INPP5D: variants seen among roughly 807,000 people sequenced by gnomAD.
INPP5D encodes inositol polyphosphate-5-phosphatase D, also known as phosphatidylinositol 3,4,5-trisphosphate 5-phosphatase 1.
In INPP5D, 33 loss-of-function variants were observed where a neutral mutation model predicts 122.9. That is an observed-to-expected ratio of 0.27 (90% CI 0.20 to 0.36). The LOEUF (loss-of-function observed/expected upper bound fraction) is 0.36. Ranked by LOEUF, INPP5D falls within the 10% of genes least tolerant of loss-of-function variation. The probability of loss-of-function intolerance (pLI) is 1.00; values close to 1 mark genes in which losing one functional copy is unlikely to be tolerated. For synonymous variants in INPP5D, 584 were observed against 576.2 expected (o/e 1.01, Z -0.19); for missense variants, 1,053 against 1,412.7 (o/e 0.75, Z 4.08).
At chr2:233,140,639 T>C (rs1693613858) in intron 6 of INPP5D, 2 of 152,234 alleles carry the variant, frequency 1.3e-5, no homozygotes, top group African/African-American at 4.8e-5. Flanking sequence ...CTCCCATGTA[T>C]TAAAACTGCA....
At chr2:233,114,947 A>C (rs2106247588) in intron 2 of INPP5D, among the ~76,000 whole-genome samples, 1 of 151,782 alleles carries the variant, frequency 6.6e-6, no homozygotes, top group South Asian at 2.1e-4. Flanking sequence ...GGCTCACCAC[A>C]ACCTCTGCCT....
chr2:233,173,881 C>T (rs1056722364), intron 17 of INPP5D, among the ~76,000 whole-genome samples: 5 of 152,168 alleles, frequency 3.3e-5, no homozygotes, highest in Non-Finnish European at 7.4e-5. Flanking sequence ...TGCAGCGAAC[C>T]GAGATGGCGC....
intron 4 of INPP5D, among the ~76,000 whole-genome samples, chr2:233,127,541 A>C (rs1243956678): frequency 6.6e-6 from 1 of 152,248 alleles, no homozygotes; most frequent in Non-Finnish European, 1.5e-5. Flanking sequence ...GTTAATTATC[A>C]CATTTCTAAG....
At chr2:233,175,909 C>T (rs554072932) in intron 17 of INPP5D, among the ~76,000 whole-genome samples, 7 of 152,012 alleles carry the variant, frequency 4.6e-5, no homozygotes, top group Admixed American at 1.3e-4. Context: ...CTCGAACTCC[C>T]GACCTCAGGT....
rs190730343 is a variant in INPP5D, at chr2:233,130,391, G to C, written c.525-117G>C. ...GTTTGCAAACATTCTTCTGAAGGAC[G>C]GTGTCCCCTTGGAGGCTCTGAGGAT... On this transcript the variant is annotated intron_variant, in intron 4 of 26. Transcript: ENST00000445964. 8.4e-3 allele frequency: 9,245 copies of C among 1,097,676 alleles called. 54 individuals are homozygous for C. The highest frequency in any genetic ancestry group is 0.013 in the Middle Eastern group (63 of 4,844). 68.0% of individuals were successfully genotyped at this position (1,097,676 alleles called of 1,614,324 possible).
intron 1 of INPP5D, among the ~76,000 whole-genome samples, chr2:233,065,394 G>A (rs1574697009): frequency 7.7e-6 from 1 of 129,268 alleles, no homozygotes; most frequent in African/African-American, 3.0e-5. Flanking sequence ...TGCAACCTCC[G>A]CCTCCCAGGA....
In INPP5D at chr2:233,204,317, T is replaced by G. The variant is rs1341354917; in HGVS notation, c.3167T>G (p.Leu1056Trp). 6.2e-7 allele frequency: 1 copy of G among 1,611,848 alleles called. No homozygotes were observed. The highest frequency in any genetic ancestry group is 1.3e-5 in the African/African-American group (1 of 74,902). ...CCGCCCTGCCCGGAACCCGGCATCT[T>G]GTCGCCCAGCATCGTGCTCACCAAA... ...EPPPCPEPGI[L>W]SPSIVLTKAQ... is the part of the protein sequence containing the mutation. The change falls in exon 26 of 27, where the codon TTG becomes TGG. Residue 1056 changes from leucine to tryptophan, a missense_variant. Transcript: ENST00000445964.
At chr2:233,086,119 C>CTTTCTTTCTTTCTT (rs1491216543) in intron 2 of INPP5D, among the ~76,000 whole-genome samples, 5 of 93,828 alleles carry the variant, frequency 5.3e-5, no homozygotes, top group African/African-American at 2.0e-4. Context: ...ATAAGATAGC[C>CTTTCTTTCTTTCTT]TCTTTCTTTC....
rs540658492 is a variant in INPP5D, at chr2:233,129,754, G to A, written c.525-754G>A. ...TAGCCTTTGGCCGTGAAATTGCAAA[G>A]TGCATGGGAGCTAAAGCCATTTGTT... On this transcript the variant is annotated intron_variant, in intron 4 of 26. Coordinates refer to ENST00000445964, the MANE Select transcript of INPP5D (RefSeq NM_001017915.3). Among the ~76,000 whole-genome samples, 4 of 152,332 alleles carry A rather than the reference G, an allele frequency of 2.6e-5. No homozygotes were observed. The South Asian group carries it at 8.3e-4, about 32-fold the overall frequency.
chr2:233,105,331 C>A lies in INPP5D; in HGVS notation c.199-16776C>A, dbSNP rs992848758. On this transcript the variant is annotated intron_variant, in intron 2 of 26. Coordinates refer to ENST00000445964, the MANE Select transcript of INPP5D (RefSeq NM_001017915.3). This position sits in a 1 kb window ranked among gnomAD's most constrained non-coding sequence, Gnocchi z 4.0. ...TGTGCTTTGCCAGTGCCGCTCCCTT[C>A]GCCCGCCAGGGTGCTCCCTGTCTCT... is the stretch of plus-strand genomic sequence containing the variant. Among the ~76,000 whole-genome samples the A allele has an allele frequency of 6.6e-6, 1 of 152,230 alleles. No homozygotes were observed. The highest frequency in any genetic ancestry group is 1.5e-5 in the Non-Finnish European group (1 of 68,040).
intron 13 of INPP5D, among the ~76,000 whole-genome samples, chr2:233,167,503 A>G (rs922853335): frequency 1.3e-5 from 2 of 152,226 alleles, no homozygotes; most frequent in African/African-American, 4.8e-5. Context: ...CAGGGATTGA[A>G]ACCAGGCTGT....
chr2:233,135,191 T>A lies in INPP5D; in HGVS notation c.665+4543T>A, dbSNP rs926861859. Among the ~76,000 whole-genome samples the A allele has an allele frequency of 2.6e-4, 12 of 46,036 alleles. No homozygotes were observed. In the East Asian group the frequency reaches 4.4e-3, roughly 17 times the overall value. The allele number at this position is 46,036 out of a possible 152,430, so 30.2% of individuals were successfully genotyped here. A position where few individuals can be genotyped will look rare whatever the true frequency, so the allele number is the denominator to read the frequency against. ...ACAATCAAACAGCAACACTGAAACA[T>A]CTTTTTTTTTTTTTTCTTATAAAGA... On this transcript the variant is annotated intron_variant, in intron 5 of 26. Transcript: ENST00000445964.
intron 2 of INPP5D, among the ~76,000 whole-genome samples, chr2:233,116,434 G>A (rs1692797947): frequency 6.7e-6 from 1 of 150,024 alleles, no homozygotes; most frequent in Non-Finnish European, 1.5e-5. Context: ...GGACTACAGG[G>A]TGCACCACTA....
rs767743839 is a variant in INPP5D at position 233,182,506 on chromosome 2, A to G, written c.2161+7A>G. 9 of 1,613,204 alleles carry G rather than the reference A, an allele frequency of 5.6e-6. No individual in the cohort carries two copies. The South Asian group carries it at 8.8e-5, about 16-fold the overall frequency. ...CAGTTTGTCTCCAAGAACGGTAAGC[A>G]AAGGATGGTGTCTGTTTCTCTGTTT... On this transcript the variant is annotated splice_region_variant and intron_variant, in intron 19 of 26. Coordinates refer to ENST00000445964, the MANE Select transcript of INPP5D (RefSeq NM_001017915.3).
chr2:233,161,998 C>T (rs922698045), intron 11 of INPP5D, among the ~76,000 whole-genome samples, 172 bp downstream of exon 11: 7 of 152,178 alleles, frequency 4.6e-5, no homozygotes, highest in African/African-American at 1.7e-4. Flanking sequence ...AGGAATTCCA[C>T]CCTTTTCCTG....
At chr2:233,076,870 C>G in intron 1 of INPP5D, among the ~76,000 whole-genome samples, 1 of 152,018 alleles carries the variant, frequency 6.6e-6, no homozygotes, top group Non-Finnish European at 1.5e-5. Flanking sequence ...AGCCAGTTGG[C>G]AGGGTGTGGG....
In INPP5D at chr2:233,107,779, A is replaced by G. The variant is rs112811900; in HGVS notation, c.199-14328A>G. Among the ~76,000 whole-genome samples, 329 of 152,130 alleles carry G rather than the reference A, an allele frequency of 2.2e-3. 2 individuals are homozygous for G. The highest frequency in any genetic ancestry group is 7.5e-3 in the African/African-American group (311 of 41,500). ...GAACCGGGTGTCTGGGGTGGGAGTC[A>G]TGATGTCCCTGCTGGCCCCAGCTGG... On this transcript the variant is annotated intron_variant, in intron 2 of 26. Transcript: ENST00000445964.
intron 17 of INPP5D, among the ~76,000 whole-genome samples, chr2:233,173,422 A>G (rs1346429024): frequency 6.6e-6 from 1 of 152,140 alleles, no homozygotes; most frequent in Non-Finnish European, 1.5e-5. Context: ...TTTTCCAATA[A>G]TAAACTAACC....
In INPP5D at chr2:233,164,041, G is replaced by T; in HGVS notation, c.1437+138G>T. 2 of 1,424,522 alleles carry T rather than the reference G, an allele frequency of 1.4e-6. No homozygotes were observed. The highest frequency in any genetic ancestry group is 1.5e-5 in the South Asian group (1 of 67,744). The allele number at this position is 1,424,522 out of a possible 1,614,324, so 88.2% of individuals were successfully genotyped here. A position where few individuals can be genotyped will look rare whatever the true frequency, so the allele number is the denominator to read the frequency against. On this transcript the variant is annotated intron_variant, in intron 12 of 26. Transcript: ENST00000445964. This position sits in a 1 kb window ranked among gnomAD's most constrained non-coding sequence, Gnocchi z 4.3. Reference sequence around the variant, plus strand: ...TCTGGAGGCCCCCACTGAGAGATGCGTCTGTATTCAGAAATAAATGGGATC... The same window carrying T: ...TCTGGAGGCCCCCACTGAGAGATGCTTCTGTATTCAGAAATAAATGGGATC...
Sources: allele counts gnomAD v4.1 joint callset (sites outside exome capture counted in the v4.1 genomes callset), GRCh38; gene constraint gnomAD v4.1.1; non-coding constraint Gnocchi (gnomAD v3.1); transcripts MANE v1.5; gene names NCBI Gene and HGNC (gene_info 2026-07-23, HGNC 2026-07-21).